Variants in SLC8A1 observed in about 807,000 individuals in gnomAD.
The protein encoded by SLC8A1 is sodium/calcium exchanger 1.
Under a neutral mutation model 68.3 loss-of-function variants are expected in SLC8A1, and 18 were observed. The observed-to-expected ratio is 0.26, with a 90% CI of 0.18 to 0.39. SLC8A1 has a LOEUF of 0.39. SLC8A1 is among the 10% of genes least tolerant of loss of function. The probability of loss-of-function intolerance (pLI) is 1.00; values close to 1 mark genes in which losing one functional copy is unlikely to be tolerated. For synonymous variants in SLC8A1, 475 were observed against 415.5 expected (o/e 1.14, Z -1.74); for missense variants, 985 against 1,156.7 (o/e 0.85, Z 2.15).
intron 2 of SLC8A1, among the ~76,000 whole-genome samples, chr2:40,200,266 AT>A: frequency 7.0e-5 from 6 of 85,880 alleles, no homozygotes; most frequent in East Asian, 3.0e-4. Flanking sequence ...ATATATATAT[AT>A]AACCTCTTTT....
chr2:40,111,693 A>G (rs939400003), exon 8 of SLC8A1: 2 of 152,198 alleles, frequency 1.3e-5, no homozygotes, highest in African/African-American at 4.8e-5. Flanking sequence ...TATGAAGTTA[A>G]TAAGATATAG....
intron 2 of SLC8A1, among the ~76,000 whole-genome samples, chr2:40,189,596 G>A (rs1055052075): frequency 6.6e-6 from 1 of 152,162 alleles, no homozygotes; most frequent in African/African-American, 2.4e-5. Context: ...TTACAGGCAT[G>A]AGCCCCTGTG....
chr2:40,299,838 C>G (rs992545405), intron 2 of SLC8A1, among the ~76,000 whole-genome samples: 23 of 152,320 alleles, frequency 1.5e-4, no homozygotes, highest in African/African-American at 5.3e-4. Context: ...GCAGACCTCT[C>G]TCCCTACTAA....
intron 2 of SLC8A1, among the ~76,000 whole-genome samples, chr2:40,294,919 C>G (rs541811534): frequency 6.6e-6 from 1 of 151,902 alleles, no homozygotes; most frequent in South Asian, 2.1e-4. Context: ...ATATAAAGTT[C>G]TGAATAGATG....
intron 1 of SLC8A1, among the ~76,000 whole-genome samples, chr2:40,502,430 T>C (rs531539060): frequency 2.0e-5 from 3 of 152,150 alleles, no homozygotes; most frequent in East Asian, 3.9e-4. Flanking sequence ...CATCATTTTG[T>C]ACACCAAAAT....
chr2:40,347,970 T>G (rs1669879235), intron 2 of SLC8A1, among the ~76,000 whole-genome samples: 1 of 152,230 alleles, frequency 6.6e-6, no homozygotes, highest in Non-Finnish European at 1.5e-5. Context: ...TAAATTAGAA[T>G]TTTAAAAGCA....
chr2:40,160,929 T>C (rs978805945), intron 5 of SLC8A1, 65 bp from the exon 9 acceptor site: 7 of 1,190,848 alleles, frequency 5.9e-6, no homozygotes, highest in Non-Finnish European at 8.7e-6. Context: ...ATCCAAGACC[T>C]TGTTGATTTT....
At chr2:40,279,763 G>C (rs1045863620) in intron 2 of SLC8A1, among the ~76,000 whole-genome samples, 1 of 152,192 alleles carries the variant, frequency 6.6e-6, no homozygotes, top group Non-Finnish European at 1.5e-5. Context: ...AGGGTGAAAA[G>C]TTGGTACATT....
chr2:40,357,510 A>AAAAAC (rs1673067838), intron 2 of SLC8A1, among the ~76,000 whole-genome samples: 2 of 151,458 alleles, frequency 1.3e-5, no homozygotes, highest in Non-Finnish European at 2.9e-5. Flanking sequence ...AAAAAAAAAA[A>AAAAAC]AAAAAAACAC....
At chr2:40,302,350 C>G (rs1170484729) in intron 2 of SLC8A1, among the ~76,000 whole-genome samples, 1 of 151,558 alleles carries the variant, frequency 6.6e-6, no homozygotes, top group Non-Finnish European at 1.5e-5. Flanking sequence ...TCCTGAGTTA[C>G]TTCCCTTAGA....
intron 1 of SLC8A1, among the ~76,000 whole-genome samples, chr2:40,473,721 T>C (rs1411788726): frequency 6.6e-6 from 1 of 152,148 alleles, no homozygotes. Flanking sequence ...ATGAGATGGG[T>C]AAGAAACAGA....
intron 1 of SLC8A1, among the ~76,000 whole-genome samples, chr2:40,460,072 G>A (rs1342100945): frequency 6.6e-6 from 1 of 152,046 alleles, no homozygotes. Flanking sequence ...TTCTTTTCAC[G>A]TCTACTTGGA....
At chr2:40,441,504 T>G (rs1440256957) in intron 1 of SLC8A1, among the ~76,000 whole-genome samples, 1 of 152,056 alleles carries the variant, frequency 6.6e-6, no homozygotes, top group Admixed American at 6.6e-5. Flanking sequence ...ACTACCTGAC[T>G]TCAAACTATA....
At chr2:40,160,682 G>C (rs1332526676) in intron 6 of SLC8A1, 83 bp downstream of exon 9, 1 of 1,207,164 alleles carries the variant, frequency 8.3e-7, no homozygotes, top group African/African-American at 1.5e-5. Flanking sequence ...TTGGTGCTTT[G>C]CCATAGACCA....
intron 1 of SLC8A1, among the ~76,000 whole-genome samples, chr2:40,508,038 C>G (rs1015482445): frequency 6.6e-6 from 1 of 151,998 alleles, no homozygotes; most frequent in African/African-American, 2.4e-5. Flanking sequence ...GCATTAAATT[C>G]AACAATAGCT....
chr2:40,201,972 T>G (rs1221766512), intron 2 of SLC8A1, among the ~76,000 whole-genome samples: 3 of 151,994 alleles, frequency 2.0e-5, no homozygotes, highest in Non-Finnish European at 1.5e-5. Context: ...CATTTGAACA[T>G]TAGATATATA....
At chr2:40,131,714 C>A (rs1052741168) in intron 7 of SLC8A1, among the ~76,000 whole-genome samples, 1 of 152,186 alleles carries the variant, frequency 6.6e-6, no homozygotes, top group Non-Finnish European at 1.5e-5. Context: ...CCTCAACATG[C>A]CCTTCCTGGG....
At chr2:40,254,379 C>T (rs1295159053) in intron 2 of SLC8A1, 1 of 147,772 alleles carries the variant, frequency 6.8e-6, no homozygotes, top group Non-Finnish European at 1.5e-5. Flanking sequence ...TCAAAATGCT[C>T]TTAAGTTGTA....
At chr2:40,309,636 G>T (rs1164063257) in intron 2 of SLC8A1, among the ~76,000 whole-genome samples, 2 of 150,950 alleles carry the variant, frequency 1.3e-5, no homozygotes, top group Non-Finnish European at 2.9e-5. Flanking sequence ...CTCCCAAGTA[G>T]CTGGGACTAC....
Sources: allele counts gnomAD v4.1 joint callset (sites outside exome capture counted in the v4.1 genomes callset), GRCh38; gene constraint gnomAD v4.1.1; transcripts MANE v1.5; gene names NCBI Gene and HGNC (gene_info 2026-07-23, HGNC 2026-07-21).